The following INSR variants were observed in gnomAD, a reference collection of about 807,000 sequenced individuals.
INSR encodes the protein insulin receptor, also known as IR.
A neutral mutation model predicts 142.6 loss-of-function variants in INSR; 67 were observed. The ratio of observed to expected loss-of-function variants is 0.47; its 90% CI spans 0.39 to 0.58. The LOEUF (loss-of-function observed/expected upper bound fraction) is 0.58. Among genes scored for constraint, INSR ranks in the 20% least tolerant of loss-of-function variants. INSR has a pLI of 0.00. For missense variants in INSR, 1,248 were observed against 1,833.2 expected (o/e 0.68, Z 5.83); for synonymous variants, 756 against 743.1 (o/e 1.02, Z -0.28).
chr19:7,268,014 C>T (rs942379349), intron 1 of INSR, 118 bp from the exon 2 acceptor site: 1 of 879,292 alleles, frequency 1.1e-6, no homozygotes. Flanking sequence ...GTGTTTTCAT[C>T]CCGGGCCCTG....
intron 13 of INSR, among the ~76,000 whole-genome samples, chr19:7,139,109 C>T (rs1973006578): frequency 6.6e-6 from 1 of 152,168 alleles, no homozygotes; most frequent in Non-Finnish European, 1.5e-5. Context: ...GGCTAGCTCA[C>T]TGGGCAGTGA....
At chr19:7,252,799 G>T (rs961135982) in intron 2 of INSR, among the ~76,000 whole-genome samples, 5 of 152,092 alleles carry the variant, frequency 3.3e-5, no homozygotes, top group African/African-American at 1.2e-4. Context: ...GGGACAAAAC[G>T]AGAGGCAAAG....
intron 2 of INSR, among the ~76,000 whole-genome samples, chr19:7,211,444 A>T (rs1008948670): frequency 3.3e-5 from 5 of 152,102 alleles, no homozygotes; most frequent in Admixed American, 6.6e-5. Flanking sequence ...CCAGGTAAGG[A>T]TTTCACTCCA....
At chr19:7,212,505 A>G (rs1007943838) in intron 2 of INSR, among the ~76,000 whole-genome samples, 1 of 152,242 alleles carries the variant, frequency 6.6e-6, no homozygotes, top group Non-Finnish European at 1.5e-5. Context: ...TAGCGACAAG[A>G]CATCGTGGAC....
At chr19:7,148,804 A>AT (rs1257683823) in intron 11 of INSR, among the ~76,000 whole-genome samples, 4 of 137,798 alleles carry the variant, frequency 2.9e-5, no homozygotes, top group Admixed American at 7.4e-5. Context: ...TTTTATTTTT[A>AT]TTTTTTTTGA....
intron 9 of INSR, among the ~76,000 whole-genome samples, chr19:7,157,424 ATT>A (rs56136465): frequency 1.7e-5 from 2 of 115,104 alleles, no homozygotes; most frequent in Admixed American, 9.3e-5. Flanking sequence ...CGATTTTTGT[ATT>A]TTTTTTTTTT....
chr19:7,132,409 G>C (rs1972808809), intron 13 of INSR, 92 bp from the exon 14 acceptor site: 2 of 1,434,246 alleles, frequency 1.4e-6, no homozygotes, highest in Non-Finnish European at 9.6e-7. Context: ...CCAGGATCCT[G>C]CTCAGAAATG....
intron 2 of INSR, among the ~76,000 whole-genome samples, chr19:7,220,906 A>G (rs1227734407): frequency 6.6e-6 from 1 of 152,116 alleles, no homozygotes; most frequent in Non-Finnish European, 1.5e-5. Context: ...GGTGATTAAA[A>G]GGGCTGTGTC....
At chr19:7,131,318 G>A (rs189027054) in intron 14 of INSR, among the ~76,000 whole-genome samples, 118 of 151,716 alleles carry the variant, frequency 7.8e-4, no homozygotes, top group African/African-American at 2.1e-3. Flanking sequence ...TATCTGTACA[G>A]CAAACCCCCA....
rs984921798 is a variant in INSR, at chr19:7,267,041, G to A, written c.652+304C>T. On this transcript the variant is annotated intron_variant, in intron 2 of 21. Transcript: ENST00000302850. The surrounding 1 kb of genome is among the most constrained non-coding windows in gnomAD (Gnocchi z 6.3). ...AAAATCCGGCCCACGACTTGTTTTTGTAAATAAAGTTTTATTGAAACACAG... is the reference window on the plus strand; with the variant it reads ...AAAATCCGGCCCACGACTTGTTTTTATAAATAAAGTTTTATTGAAACACAG... Among the ~76,000 whole-genome samples the A allele has an allele frequency of 2.0e-5, 3 of 152,074 alleles. No individual in the cohort carries two copies. The highest frequency in any genetic ancestry group is 4.4e-5 in the Non-Finnish European group (3 of 68,002).
At chr19:7,199,408 GTT>G (rs1974886954) in intron 2 of INSR, among the ~76,000 whole-genome samples, 2 of 151,382 alleles carry the variant, frequency 1.3e-5, no homozygotes, top group South Asian at 4.2e-4. Flanking sequence ...AAATTTGTTT[GTT>G]TGTTTGAAAC....
intron 3 of INSR, among the ~76,000 whole-genome samples, chr19:7,178,008 A>AT (rs1480895487): frequency 6.6e-6 from 1 of 151,916 alleles, no homozygotes; most frequent in Admixed American, 6.6e-5. Context: ...ACAGAACGCA[A>AT]TTTTATCCGT....
chr19:7,249,346 A>C (rs1166159624), intron 2 of INSR, among the ~76,000 whole-genome samples: 1 of 152,082 alleles, frequency 6.6e-6, no homozygotes, highest in Non-Finnish European at 1.5e-5. Context: ...AATAACCTTC[A>C]TACCTTTCTC....
intron 2 of INSR, among the ~76,000 whole-genome samples, chr19:7,224,649 C>G (rs2145108985): frequency 6.6e-6 from 1 of 152,272 alleles, no homozygotes. Context: ...AGGCAGTGCA[C>G]CCTGGGCGAA....
At chr19:7,187,151 G>A (rs531699271) in intron 2 of INSR, among the ~76,000 whole-genome samples, 4 of 150,906 alleles carry the variant, frequency 2.7e-5, no homozygotes, top group African/African-American at 7.3e-5. Flanking sequence ...ACTCGATCTC[G>A]GCTCACTGCA....
At chr19:7,123,164 T>G in intron 17 of INSR, 175 bp from the exon 18 acceptor site, 1 of 609,568 alleles carries the variant, frequency 1.6e-6, no homozygotes, top group Non-Finnish European at 2.9e-6. Flanking sequence ...AGATAGGCCT[T>G]TGTATTTTTT....
chr19:7,137,527 C>T (rs891987044), intron 13 of INSR, among the ~76,000 whole-genome samples: 3 of 152,104 alleles, frequency 2.0e-5, no homozygotes, highest in African/African-American at 7.2e-5. Context: ...GTGGCTCACG[C>T]CTGTAATCCC....
At chr19:7,239,055 A>T (rs538326636) in intron 2 of INSR, among the ~76,000 whole-genome samples, 1 of 152,164 alleles carries the variant, frequency 6.6e-6, no homozygotes, top group Non-Finnish European at 1.5e-5. Flanking sequence ...AGATTTAAAG[A>T]AGAGCAACTG....
Position 7,192,826 on chromosome 19 carries a change from G to T in INSR, c.653-8189C>A, listed in dbSNP as rs763176462. Reference sequence around the variant, plus strand: ...CCAAAAGCTCCTGGGTGAGCACACAGAAGCAACTATCATCTTCCTGAAACT... The same window carrying T: ...CCAAAAGCTCCTGGGTGAGCACACATAAGCAACTATCATCTTCCTGAAACT... On this transcript the variant is annotated intron_variant, in intron 2 of 21. Coordinates refer to ENST00000302850, the MANE Select transcript of INSR (RefSeq NM_000208.4). The surrounding 1 kb of genome is among the most constrained non-coding windows in gnomAD (Gnocchi z 4.2). 3.9e-5 allele frequency among the ~76,000 whole-genome samples: 6 copies of T among 152,186 alleles called. No homozygotes were observed. Among genetic ancestry groups the T allele is most frequent in the Admixed American group, 1.3e-4 (2 of 15,268 alleles).
Sources: allele counts gnomAD v4.1 joint callset (sites outside exome capture counted in the v4.1 genomes callset), GRCh38; gene constraint gnomAD v4.1.1; non-coding constraint Gnocchi (gnomAD v3.1); transcripts MANE v1.5; gene names NCBI Gene and HGNC (gene_info 2026-07-23, HGNC 2026-07-21).